SCML2: variants seen among roughly 807,000 people sequenced by gnomAD.
SCML2 encodes the protein Scm polycomb group protein like 2, also known as sex comb on midleg-like protein 2.
Under a neutral mutation model 48.4 loss-of-function variants are expected in SCML2, and 6 were observed. The ratio of observed to expected loss-of-function variants is 0.12; its 90% confidence interval spans 0.07 to 0.24. The LOEUF (loss-of-function observed/expected upper bound fraction) is 0.24. SCML2 is among the 10% of genes least tolerant of loss of function. The pLI, the probability that SCML2 is intolerant of heterozygous loss-of-function variation, is 1.00. For synonymous variants in SCML2, 181 were observed against 189.5 expected, an observed-to-expected ratio of 0.95 and a Z score of 0.37; for missense variants, 377 against 528.2, an observed-to-expected ratio of 0.71 and a Z score of 2.81.
intron 14 of SCML2, 87 bp from the exon 15 acceptor site, chrX:18,241,466 A>ATTT: frequency 1.7e-6 from 1 of 604,410 alleles, no homozygotes; most frequent in Non-Finnish European, 2.4e-6. Context: ...CAGCAGCTGT[A>ATTT]TACTCCGGAT....
intron 7 of SCML2, among the ~76,000 whole-genome samples, chrX:18,274,296 T>C (rs1314643182): frequency 8.9e-6 from 1 of 111,807 alleles, no homozygotes; most frequent in Non-Finnish European, 1.9e-5. Context: ...CACCTGTATG[T>C]TCCTCTTCCC....
At chrX:18,342,199 C>G (rs1424735418) in intron 1 of SCML2, among the ~76,000 whole-genome samples, 2 of 111,776 alleles carry the variant, frequency 1.8e-5, no homozygotes, top group Admixed American at 1.9e-4. Flanking sequence ...TGCCTTGATA[C>G]ATGGGAGAAA....
chrX:18,304,991 T>C lies in SCML2; in HGVS notation c.711A>G (p.Leu237=). 8.3e-7 allele frequency: 1 copy of C among 1,210,006 alleles called. No individual in the cohort carries two copies. The highest frequency in any genetic ancestry group is 1.1e-6 in the Non-Finnish European group (1 of 894,768). ...TCTTACCACTAGTTCCTGGGGGTTGTAATACATCTCCTGTCAGGCGACACC... is the reference window on the plus strand; with the variant it reads ...TCTTACCACTAGTTCCTGGGGGTTGCAATACATCTCCTGTCAGGCGACACC... ...AGWCRLTGDV[L]QPPGTSVPIV... is the part of the protein sequence containing the mutation. The change falls in exon 7 of 15, where the codon TTA becomes TTG. Residue 237 remains leucine, a synonymous_variant. Coordinates refer to ENST00000251900, the MANE Select transcript of SCML2 (RefSeq NM_006089.3).
Position 18,334,034 on chromosome X carries a change from A to C in SCML2, c.22+16T>G. The stretch of plus-strand genomic sequence containing the variant: ...AGTAACTAAAAACATTATTGCCTTT[A>C]ACAAGTAAATCTTACCTTCATTCAC... On this transcript the variant is annotated intron_variant, in intron 2 of 14. Coordinates refer to ENST00000251900, the MANE Select transcript of SCML2 (RefSeq NM_006089.3). The C allele has an allele frequency of 8.4e-7, 1 of 1,188,038 alleles. No homozygotes were observed. The highest frequency in any genetic ancestry group is 1.1e-6 in the Non-Finnish European group (1 of 880,148).
In SCML2 at chrX:18,324,851, G is replaced by A. The variant is rs777887404; in HGVS notation, c.162+56C>T. 34 of 879,897 alleles carry A rather than the reference G, an allele frequency of 3.9e-5. 1 individual carries two copies. The highest frequency in any genetic ancestry group is 2.7e-4 in the Middle Eastern group (1 of 3,678). The allele number at this position is 879,897 out of a possible 1,213,427, so 72.5% of individuals were successfully genotyped here. ...ACCAGAATCTAACAATCACACAGAC[G>A]TCCTCCAACAAGTTAATAGTTTACA... On this transcript the variant is annotated intron_variant, in intron 4 of 14. Transcript: ENST00000251900.
intron 7 of SCML2, among the ~76,000 whole-genome samples, chrX:18,273,757 C>T (rs974806638): frequency 1.8e-5 from 2 of 111,304 alleles, no homozygotes; most frequent in Non-Finnish European, 3.8e-5. Flanking sequence ...TTGCCTTTTC[C>T]AAAACCACCC....
chrX:18,243,052 T>C (rs1358253425), intron 13 of SCML2, among the ~76,000 whole-genome samples: 2 of 112,062 alleles, frequency 1.8e-5, no homozygotes, highest in African/African-American at 6.5e-5. Context: ...AGTTAGTTTT[T>C]GTTTTGTTTT....
chrX:18,286,120 C>T (rs1166025385), intron 7 of SCML2, among the ~76,000 whole-genome samples: 2 of 111,137 alleles, frequency 1.8e-5, no homozygotes, highest in Non-Finnish European at 3.8e-5. Context: ...ATGTAGTTTT[C>T]AGATTTTCCT....
chrX:18,259,748 T>G (rs1185554534), intron 9 of SCML2, among the ~76,000 whole-genome samples: 2 of 111,549 alleles, frequency 1.8e-5, no homozygotes, highest in African/African-American at 6.5e-5. Context: ...AAAGAAAAAT[T>G]AAAAGGAAAA....
intron 7 of SCML2, among the ~76,000 whole-genome samples, chrX:18,293,372 T>A (rs1474203645): frequency 9.0e-6 from 1 of 111,489 alleles, no homozygotes; most frequent in Non-Finnish European, 1.9e-5. Flanking sequence ...GCATTATCTT[T>A]GGGTGAACGC....
chrX:18,298,322 C>A (rs1262119615), intron 7 of SCML2, among the ~76,000 whole-genome samples: 2 of 110,062 alleles, frequency 1.8e-5, no homozygotes, highest in African/African-American at 6.6e-5. Flanking sequence ...TAATCCTGAG[C>A]AAAAAAAAGA....
intron 13 of SCML2, among the ~76,000 whole-genome samples, chrX:18,244,752 C>G (rs1474689473): frequency 9.0e-6 from 1 of 110,897 alleles, no homozygotes; most frequent in African/African-American, 3.3e-5. Context: ...GATCCCCCCC[C>G]CTCGACATCA....
upstream of SCML2, chrX:18,354,767 C>A: frequency 5.6e-6 from 1 of 179,955 alleles, no homozygotes; most frequent in Non-Finnish European, 1.0e-5. Context: ...CTGCGGTTGC[C>A]GCGAGCACGC....
rs995476555 is a variant in SCML2, at chrX:18,240,381, A to C, written c.*870T>G. The stretch of plus-strand genomic sequence containing the variant: ...ATAAACACATACAATATATATCTTC[A>C]AAAATTTTGGACACAGGTATCTTCA... On this transcript the variant is annotated 3_prime_UTR_variant, in exon 15 of 15. Transcript: ENST00000251900. 5 of 112,445 alleles carry C rather than the reference A, an allele frequency of 4.4e-5. No individual in the cohort carries two copies. The highest frequency in any genetic ancestry group is 1.6e-4 in the African/African-American group (5 of 30,908). The allele number at this position is 112,445 out of a possible 1,213,427, so 9.3% of individuals were successfully genotyped here.
chrX:18,303,594 A>G (rs16980766), intron 7 of SCML2, among the ~76,000 whole-genome samples: 2,680 of 111,527 alleles, frequency 0.024, 49 homozygotes, highest in Non-Finnish European at 0.036. Flanking sequence ...TGCTAATACT[A>G]TATCTTCTTT....
intron 8 of SCML2, among the ~76,000 whole-genome samples, 188 bp downstream of exon 8, chrX:18,265,396 GT>G (rs1927221435): frequency 1.8e-5 from 2 of 112,395 alleles, no homozygotes; most frequent in African/African-American, 6.4e-5. Flanking sequence ...ACTATAAAAA[GT>G]TTTAAGTTTG....
intron 1 of SCML2, among the ~76,000 whole-genome samples, chrX:18,344,467 T>G (rs1930136388): frequency 8.9e-6 from 1 of 111,859 alleles, no homozygotes; most frequent in East Asian, 2.8e-4. Context: ...AGGAGTGATA[T>G]GGTTTGGTGT....
chrX:18,337,568 T>C (rs1929873008), intron 1 of SCML2, among the ~76,000 whole-genome samples: 2 of 110,283 alleles, frequency 1.8e-5, no homozygotes, highest in South Asian at 3.8e-4. Flanking sequence ...AAAAAAGATA[T>C]GACAATCCTT....
At chrX:18,292,628 G>GT (rs201618406) in intron 7 of SCML2, among the ~76,000 whole-genome samples, 9 of 109,313 alleles carry the variant, frequency 8.2e-5, no homozygotes, top group South Asian at 3.9e-4. Flanking sequence ...ATATATTCTT[G>GT]TTTTTTTTAA....
Sources: gnomAD v4.1 joint callset for allele counts (sites outside exome capture counted in the v4.1 genomes callset) on GRCh38, gnomAD v4.1.1 for gene constraint, MANE v1.5 for transcripts, NCBI Gene and HGNC (gene_info 2026-07-23, HGNC 2026-07-21) for gene names.